LGSN: variants seen among roughly 807,000 people sequenced by gnomAD.
The protein encoded by LGSN is lengsin, lens protein with glutamine synthetase domain.
LGSN carries 21 observed loss-of-function variants against 19.5 expected under a neutral mutation model. The ratio of observed to expected loss-of-function variants is 1.07; its 90% CI spans 0.76 to 1.55. The LOEUF (loss-of-function observed/expected upper bound fraction) is 1.55. LGSN is among the 40% of genes most tolerant of loss of function. LGSN has a pLI of 0.00. For missense variants in LGSN, 673 were observed against 608.5 expected, an observed-to-expected ratio of 1.11 and a Z score of -1.12; for synonymous variants, 257 against 215.6, an observed-to-expected ratio of 1.19 and a Z score of -1.68.
the LGSN span, among the ~76,000 whole-genome samples, chr6:63,426,432 C>T: frequency 3.3e-5 from 5 of 152,178 alleles, no homozygotes; most frequent in South Asian, 2.1e-4. Context: ...CACACACAAA[C>T]GAAGTGTTTG....
At chr6:63,531,681 G>A in the LGSN span, among the ~76,000 whole-genome samples, 1 of 151,832 alleles carries the variant, frequency 6.6e-6, no homozygotes, top group African/African-American at 2.4e-5. Context: ...TTGTAGGGAT[G>A]GGGTTTTACC....
the LGSN span, among the ~76,000 whole-genome samples, chr6:63,543,505 A>G: frequency 3.3e-5 from 5 of 152,226 alleles, no homozygotes; most frequent in African/African-American, 4.8e-5. Context: ...TTGTACTGAG[A>G]ACAGTATCTG....
the LGSN span, among the ~76,000 whole-genome samples, chr6:63,461,349 G>A: frequency 1.3e-5 from 2 of 152,190 alleles, no homozygotes; most frequent in East Asian, 3.8e-4. Flanking sequence ...ATCATGCCCA[G>A]CCTTGTCTGT....
At chr6:63,414,304 A>T in the LGSN span, among the ~76,000 whole-genome samples, 2 of 152,154 alleles carry the variant, frequency 1.3e-5, no homozygotes, top group African/African-American at 2.4e-5. Context: ...TTTTGTTGTC[A>T]CATACATCTG....
rs1165505495 is a variant in LGSN at position 63,276,391 on chromosome 6, C to T, written c.*3630G>A. The stretch of plus-strand genomic sequence containing the variant: ...CCTTGAAAATAGAAACTTGTTACTA[C>T]AATACTAATGTTTTAATTTCTAGTC... On this transcript the variant is annotated 3_prime_UTR_variant, in exon 4 of 4. Transcript: ENST00000370657. 6.6e-6 allele frequency: 1 copy of T among 151,992 alleles called. No homozygotes were observed. Among genetic ancestry groups the T allele is most frequent in the Non-Finnish European group, 1.5e-5 (1 of 68,010 alleles). The allele number at this position is 151,992 out of a possible 1,614,324, so 9.4% of individuals were successfully genotyped here. A position where few individuals can be genotyped will look rare whatever the true frequency, so the allele number is the denominator to read the frequency against.
chr6:63,523,129 G>T, the LGSN span, among the ~76,000 whole-genome samples: 8 of 151,722 alleles, frequency 5.3e-5, no homozygotes, highest in East Asian at 1.2e-3. Context: ...GCCTCCTAAA[G>T]TGTTGAAATT....
intron 1 of LGSN, among the ~76,000 whole-genome samples, chr6:63,296,371 G>A (rs1036194952): frequency 1.3e-5 from 2 of 151,616 alleles, no homozygotes; most frequent in Non-Finnish European, 2.9e-5. Context: ...ACACACTTCT[G>A]ATAGAATCTG....
the LGSN span, among the ~76,000 whole-genome samples, chr6:63,381,353 T>C: frequency 7.3e-4 from 111 of 152,346 alleles, no homozygotes; most frequent in Non-Finnish European, 1.4e-3. Context: ...AAGTAGTTGG[T>C]TGATGAAATT....
chr6:63,378,758 G>C, the LGSN span, among the ~76,000 whole-genome samples: 1 of 152,142 alleles, frequency 6.6e-6, no homozygotes, highest in Non-Finnish European at 1.5e-5. Flanking sequence ...CATGCTGACA[G>C]AGCATTAATC....
the LGSN span, among the ~76,000 whole-genome samples, chr6:63,531,182 A>G: frequency 6.6e-6 from 1 of 152,142 alleles, no homozygotes; most frequent in African/African-American, 2.4e-5. Flanking sequence ...ACTGCAAGCA[A>G]TGAGGGCTAC....
chr6:63,392,881 C>CTTTTT, the LGSN span, among the ~76,000 whole-genome samples: 473 of 109,738 alleles, frequency 4.3e-3, 1 homozygote, highest in African/African-American at 7.2e-3. Flanking sequence ...TCTTCTTCTT[C>CTTTTT]TTTTTTTTTT....
chr6:63,489,997 T>C, the LGSN span, among the ~76,000 whole-genome samples: 1 of 152,216 alleles, frequency 6.6e-6, no homozygotes, highest in Non-Finnish European at 1.5e-5. Flanking sequence ...TGTGAGCTAC[T>C]GCACCTGGCG....
At chr6:63,291,450 CT>C (rs959939141) in intron 2 of LGSN, among the ~76,000 whole-genome samples, 84 of 152,214 alleles carry the variant, frequency 5.5e-4, no homozygotes, top group African/African-American at 2.0e-3. Flanking sequence ...GGGAATATGA[CT>C]TTCCCCTGGA....
the LGSN span, among the ~76,000 whole-genome samples, chr6:63,514,183 C>G: frequency 5.9e-5 from 9 of 152,164 alleles, no homozygotes; most frequent in Non-Finnish European, 1.2e-4. Context: ...CTGTTGTGCT[C>G]TGACCCTTGA....
chr6:63,537,524 G>T, the LGSN span, among the ~76,000 whole-genome samples: 1 of 152,140 alleles, frequency 6.6e-6, no homozygotes, highest in African/African-American at 2.4e-5. Context: ...GCCTTAGAGC[G>T]TACCTTTTCA....
the LGSN span, among the ~76,000 whole-genome samples, chr6:63,509,425 T>C: frequency 1.3e-5 from 2 of 152,136 alleles, no homozygotes; most frequent in African/African-American, 4.8e-5. Context: ...CAATACAAAA[T>C]TCAATGAAAT....
At position 63,278,395 on chromosome 6, in the gene LGSN, TC is replaced by T. The variant is rs1767163366; in HGVS notation, c.*1625del. The T allele has an allele frequency of 6.6e-6, 1 of 151,794 alleles. No individual in the cohort carries two copies. Among genetic ancestry groups the T allele is most frequent in the African/African-American group, 2.4e-5 (1 of 41,314 alleles). The allele number at this position is 151,794 out of a possible 1,614,324, so 9.4% of individuals were successfully genotyped here. ...AGGTTTCAGGACAGGTTCCCTTCCT[TC>T]CCCCAGCTACCCTACACTATCTTTC... On this transcript the variant is annotated 3_prime_UTR_variant, in exon 4 of 4. Transcript: ENST00000370657.
At chr6:63,343,580 G>A in the LGSN span, among the ~76,000 whole-genome samples, 1 of 152,088 alleles carries the variant, frequency 6.6e-6, no homozygotes, top group African/African-American at 2.4e-5. Flanking sequence ...AAGCAGCAAG[G>A]AAGAGTATCA....
the LGSN span, among the ~76,000 whole-genome samples, chr6:63,566,463 G>T: frequency 1.3e-5 from 2 of 152,272 alleles, no homozygotes; most frequent in African/African-American, 2.4e-5. Context: ...GCTGGTTTGG[G>T]TTCAAGCCAG....
Sources: allele counts gnomAD v4.1 joint callset (sites outside exome capture counted in the v4.1 genomes callset), GRCh38; gene constraint gnomAD v4.1.1; transcripts MANE v1.5; gene names NCBI Gene and HGNC (gene_info 2026-07-23, HGNC 2026-07-21).